Variants in DNAH8 observed in about 807,000 individuals in gnomAD.
The protein encoded by DNAH8 is dynein axonemal heavy chain 8.
In DNAH8, 382 loss-of-function variants were observed where a neutral mutation model predicts 562.1. That is an observed-to-expected ratio of 0.68 (90% CI 0.63 to 0.74). DNAH8 has a LOEUF of 0.74. Among genes scored for constraint, DNAH8 ranks in the 30% least tolerant of loss-of-function variants. DNAH8 has a pLI of 0.00. For synonymous variants in DNAH8, 1,881 were observed against 1,919.4 expected (o/e 0.98, Z 0.52); for missense variants, 5,203 against 5,620.4 (o/e 0.93, Z 2.37).
chr6:38,927,562 T>C (rs903248202), intron 74 of DNAH8, among the ~76,000 whole-genome samples: 2 of 152,166 alleles, frequency 1.3e-5, no homozygotes, highest in African/African-American at 4.8e-5. Context: ...TGCACAAATG[T>C]GGTATACCAG....
intron 67 of DNAH8, among the ~76,000 whole-genome samples, chr6:38,914,930 G>A (rs571950009): frequency 1.1e-4 from 17 of 152,148 alleles, no homozygotes; most frequent in Admixed American, 2.6e-4. Context: ...CTAGAAATTT[G>A]TAGAGTGAAA....
intron 48 of DNAH8, among the ~76,000 whole-genome samples, chr6:38,868,488 C>G (rs1335955628): frequency 6.6e-6 from 1 of 152,168 alleles, no homozygotes; most frequent in African/African-American, 2.4e-5. Flanking sequence ...CAAAGTGACA[C>G]AAATTCTCAG....
At chr6:38,871,049 T>G (rs1472949430) in intron 49 of DNAH8, among the ~76,000 whole-genome samples, 6 of 152,212 alleles carry the variant, frequency 3.9e-5, no homozygotes, top group African/African-American at 1.4e-4. Context: ...CATTTCATCC[T>G]TGTGACAACC....
intron 24 of DNAH8, among the ~76,000 whole-genome samples, 189 bp downstream of exon 24, chr6:38,807,905 C>T (rs193068914): frequency 6.6e-6 from 1 of 152,288 alleles, no homozygotes; most frequent in East Asian, 1.9e-4. Context: ...CAACACCCTG[C>T]CTGAGACAAA....
intron 87 of DNAH8, among the ~76,000 whole-genome samples, chr6:38,985,778 A>G (rs1484106583): frequency 6.6e-6 from 1 of 152,164 alleles, no homozygotes; most frequent in Non-Finnish European, 1.5e-5. Flanking sequence ...AGAGGTGGAG[A>G]TTTGCATTCA....
chr6:38,967,610 A>G (rs551788983), intron 82 of DNAH8, among the ~76,000 whole-genome samples: 32 of 152,212 alleles, frequency 2.1e-4, no homozygotes, highest in African/African-American at 7.2e-4. Flanking sequence ...AAACTAAAAA[A>G]CATCATTAAA....
chr6:38,934,036 A>G (rs1378362984), intron 76 of DNAH8, among the ~76,000 whole-genome samples: 5 of 152,212 alleles, frequency 3.3e-5, no homozygotes, highest in Non-Finnish European at 5.9e-5. Flanking sequence ...GAGGGAAATA[A>G]TCTACTGATA....
intron 92 of DNAH8, among the ~76,000 whole-genome samples, chr6:39,028,328 G>A (rs1767433546): frequency 6.6e-6 from 1 of 152,144 alleles, no homozygotes; most frequent in Non-Finnish European, 1.5e-5. Context: ...CATTGCTTAG[G>A]AGGCCAGAAG....
intron 25 of DNAH8, among the ~76,000 whole-genome samples, chr6:38,815,043 G>C (rs1044688247): frequency 1.3e-5 from 2 of 152,058 alleles, no homozygotes; most frequent in Admixed American, 6.6e-5. Flanking sequence ...AGCTTATTTG[G>C]CACATTTCAA....
intron 92 of DNAH8, among the ~76,000 whole-genome samples, chr6:39,027,161 G>A (rs960749680): frequency 5.3e-5 from 8 of 152,270 alleles, no homozygotes; most frequent in Admixed American, 1.3e-4. Flanking sequence ...CTTGAGCCCC[G>A]GAGGTTGAGG....
chr6:38,902,362 G>C (rs962347794), intron 62 of DNAH8, among the ~76,000 whole-genome samples: 1 of 152,056 alleles, frequency 6.6e-6, no homozygotes, highest in Non-Finnish European at 1.5e-5. Context: ...TCTCATGGTG[G>C]ATTAGAATAT....
intron 47 of DNAH8, 83 bp downstream of exon 47, chr6:38,866,959 G>A (rs1777082811): frequency 5.4e-6 from 4 of 735,764 alleles, no homozygotes; most frequent in Non-Finnish European, 9.0e-6. Context: ...ATACTCATCA[G>A]TGAGTTAAAA....
intron 91 of DNAH8, 69 bp downstream of exon 91, chr6:39,012,706 A>G (rs193167204): frequency 8.3e-7 from 1 of 1,207,178 alleles, no homozygotes; most frequent in African/African-American, 1.5e-5. Flanking sequence ...TCGTGTGATA[A>G]ATATATACCA....
At chr6:38,940,175 G>A (rs1036513501) in intron 79 of DNAH8, among the ~76,000 whole-genome samples, 12 of 152,184 alleles carry the variant, frequency 7.9e-5, no homozygotes, top group Admixed American at 3.9e-4. Context: ...AGGTTCAAGG[G>A]AGTCTCTTTC....
intron 41 of DNAH8, among the ~76,000 whole-genome samples, chr6:38,854,717 T>C (rs1776045308): frequency 1.3e-5 from 2 of 151,966 alleles, no homozygotes; most frequent in South Asian, 2.1e-4. Flanking sequence ...TAAATTAGGC[T>C]GAGGATTTAG....
rs183848207 is a variant in DNAH8 at position 38,738,670 on chromosome 6, C to G, written c.1116+698C>G. Among the ~76,000 whole-genome samples, 13 of 152,276 alleles carry G rather than the reference C, an allele frequency of 8.5e-5. No individual in the cohort carries two copies. In the East Asian group the frequency reaches 2.5e-3, roughly 29 times the overall value. ...TATGTGAGGATCAAGGGGAAAAAATCTTGACCAGGCAGGAGGTACAGAAAA... is the reference window on the plus strand; with the variant it reads ...TATGTGAGGATCAAGGGGAAAAAATGTTGACCAGGCAGGAGGTACAGAAAA... On this transcript the variant is annotated intron_variant, in intron 7 of 92. Transcript: ENST00000327475.
At chr6:38,875,851 TAAATG>T in intron 53 of DNAH8, 23 bp downstream of exon 53, 1 of 1,472,756 alleles carries the variant, frequency 6.8e-7, no homozygotes, top group East Asian at 2.3e-5. Context: ...AACTATACCT[TAAATG>T]AAATGACTTT....
At chr6:38,887,907 G>A (rs1312111831) in intron 57 of DNAH8, among the ~76,000 whole-genome samples, 1 of 136,180 alleles carries the variant, frequency 7.3e-6, no homozygotes, top group East Asian at 2.2e-4. Context: ...CGCGATCTCA[G>A]CTCACTGCAA....
intron 91 of DNAH8, among the ~76,000 whole-genome samples, chr6:39,025,201 A>C (rs947430612): frequency 9.2e-5 from 14 of 151,910 alleles, no homozygotes; most frequent in Non-Finnish European, 1.6e-4. Context: ...CATCTGGCAA[A>C]CTCCTATGTA....
Sources: allele counts gnomAD v4.1 joint callset (sites outside exome capture counted in the v4.1 genomes callset), GRCh38; gene constraint gnomAD v4.1.1; transcripts MANE v1.5; gene names NCBI Gene and HGNC (gene_info 2026-07-23, HGNC 2026-07-21).